STPG2: variants seen among roughly 807,000 people sequenced by gnomAD.
STPG2 encodes the protein sperm tail PG-rich repeat containing 2, also known as sperm-tail PG-rich repeat-containing protein 2.
Under a neutral mutation model 54.2 loss-of-function variants are expected in STPG2, and 56 were observed. The ratio of observed to expected loss-of-function variants is 1.03; its 90% confidence interval spans 0.83 to 1.29. The LOEUF (loss-of-function observed/expected upper bound fraction) is 1.29, where lower values mean the gene tolerates loss of function less well. Among genes scored for constraint, STPG2 ranks in the 50% most tolerant of loss-of-function variants. STPG2 has a pLI of 0.00. For synonymous variants in STPG2, 200 were observed against 181.8 expected, an observed-to-expected ratio of 1.10 and a Z score of -0.81; for missense variants, 596 against 544.9, an observed-to-expected ratio of 1.09 and a Z score of -0.93.
chr4:97,781,550 GA>G (rs1317820639), intron 9 of STPG2, among the ~76,000 whole-genome samples: 9 of 152,042 alleles, frequency 5.9e-5, no homozygotes, highest in African/African-American at 1.7e-4. Context: ...CCAATCAATA[GA>G]AAAAGAAGAA....
chr4:97,476,074 T>C (rs1330468488), intron 4 of STPG2, among the ~76,000 whole-genome samples: 3 of 152,214 alleles, frequency 2.0e-5, no homozygotes, highest in Non-Finnish European at 2.9e-5. Context: ...TGTGGGCATT[T>C]AGTAAATTTG....
At chr4:97,614,609 C>A (rs1316909846) in intron 10 of STPG2, among the ~76,000 whole-genome samples, 1 of 152,138 alleles carries the variant, frequency 6.6e-6, no homozygotes, top group Non-Finnish European at 1.5e-5. Context: ...GACCAGTTAT[C>A]CACTTTTGCT....
chr4:97,704,608 A>G (rs28670002), intron 10 of STPG2, among the ~76,000 whole-genome samples: 89,551 of 152,074 alleles, frequency 0.59, 26,686 homozygotes, highest in South Asian at 0.68. Flanking sequence ...AATGACAGGT[A>G]GCTTTTAAAC....
chr4:97,799,707 T>G (rs1033471976), intron 9 of STPG2, among the ~76,000 whole-genome samples: 9 of 152,276 alleles, frequency 5.9e-5, no homozygotes, highest in Admixed American at 2.6e-4. Flanking sequence ...TTCTCTGTAT[T>G]TCCTGAATTT....
intron 7 of STPG2, among the ~76,000 whole-genome samples, chr4:97,965,061 A>G (rs1734041590): frequency 6.6e-6 from 1 of 152,186 alleles, no homozygotes; most frequent in Admixed American, 6.5e-5. Flanking sequence ...GAAGCGCAAG[A>G]GGTTGAGGGA....
chr4:97,866,155 G>A (rs1209444740), intron 8 of STPG2, among the ~76,000 whole-genome samples: 1 of 151,876 alleles, frequency 6.6e-6, no homozygotes, highest in Non-Finnish European at 1.5e-5. Flanking sequence ...TGGTTAGATA[G>A]AATGAATAAG....
intron 10 of STPG2, among the ~76,000 whole-genome samples, chr4:97,612,414 G>A (rs1733754123): frequency 6.6e-6 from 1 of 152,034 alleles, no homozygotes; most frequent in Admixed American, 6.6e-5. Flanking sequence ...AATTGGCAAT[G>A]TATGTAAATT....
intron 8 of STPG2, among the ~76,000 whole-genome samples, chr4:97,891,718 G>T (rs975355869): frequency 6.6e-6 from 1 of 151,972 alleles, no homozygotes; most frequent in African/African-American, 2.4e-5. Flanking sequence ...AACTTTGCAT[G>T]CACTGCATTT....
rs76606892 is a variant in STPG2, at chr4:97,593,612, A to G, written c.1321-34495T>C. On this transcript the variant is annotated intron_variant, in intron 10 of 10. Coordinates refer to ENST00000295268, the MANE Select transcript of STPG2 (RefSeq NM_174952.3). Reference sequence around the variant, plus strand: ...ACTGTGGGCATGAGCACATGCAGAAACACTGCAGCCCCAGACCCACTGCTA... The same window carrying G: ...ACTGTGGGCATGAGCACATGCAGAAGCACTGCAGCCCCAGACCCACTGCTA... Among the ~76,000 whole-genome samples, 1,169 of 152,238 alleles carry G rather than the reference A, an allele frequency of 7.7e-3. 15 individuals are homozygous for G. The highest frequency in any genetic ancestry group is 0.025 in the African/African-American group (1,033 of 41,542).
intron 4 of STPG2, among the ~76,000 whole-genome samples, chr4:97,487,943 T>C (rs542604695): frequency 4.6e-5 from 7 of 151,558 alleles, no homozygotes; most frequent in Admixed American, 6.6e-5. Context: ...TTAGAGAAAA[T>C]ACATGTGTAA....
intron 7 of STPG2, among the ~76,000 whole-genome samples, chr4:97,954,454 A>AAGC (rs1438850171): frequency 6.6e-6 from 1 of 152,214 alleles, no homozygotes; most frequent in African/African-American, 2.4e-5. Flanking sequence ...AGGAGCCTCA[A>AAGC]AGCACATGGC....
chr4:98,076,002 T>C (rs1045161241), intron 5 of STPG2, among the ~76,000 whole-genome samples: 8 of 152,326 alleles, frequency 5.3e-5, no homozygotes, highest in Middle Eastern at 3.4e-3. Context: ...CCCAGCACTT[T>C]GGGAGGCCCA....
At chr4:97,874,536 C>T (rs1035138537) in intron 8 of STPG2, among the ~76,000 whole-genome samples, 4 of 151,738 alleles carry the variant, frequency 2.6e-5, no homozygotes, top group African/African-American at 7.2e-5. Flanking sequence ...TAGACATCCA[C>T]GTGGAAACAG....
intron 7 of STPG2, among the ~76,000 whole-genome samples, chr4:97,955,786 G>A (rs1578729339): frequency 6.6e-6 from 1 of 151,692 alleles, no homozygotes; most frequent in African/African-American, 2.4e-5. Flanking sequence ...ACAATAAGCT[G>A]GACAGCTTAC....
At chr4:97,888,546 G>C (rs143832185) in intron 8 of STPG2, among the ~76,000 whole-genome samples, 102 of 151,808 alleles carry the variant, frequency 6.7e-4, no homozygotes, top group African/African-American at 2.0e-3. Context: ...AGAACAAAAG[G>C]AGATTTAGAA....
intron 9 of STPG2, among the ~76,000 whole-genome samples, chr4:97,794,076 T>C (rs189820255): frequency 1.4e-4 from 21 of 152,250 alleles, no homozygotes; most frequent in Admixed American, 1.4e-3. Context: ...TTCTCTGTTA[T>C]TGCTTTGTAA....
chr4:97,514,186 T>A (rs1374047189), intron 4 of STPG2, among the ~76,000 whole-genome samples: 1 of 152,050 alleles, frequency 6.6e-6, no homozygotes, highest in African/African-American at 2.4e-5. Context: ...GTTCCTAATA[T>A]GCTATGAAAG....
chr4:97,975,003 TG>T (rs1422494467), intron 6 of STPG2, among the ~76,000 whole-genome samples: 36 of 152,234 alleles, frequency 2.4e-4, no homozygotes, highest in African/African-American at 8.7e-4. Flanking sequence ...ACAATATAAA[TG>T]TTTCTCTAGA....
intron 8 of STPG2, among the ~76,000 whole-genome samples, chr4:97,852,971 T>TTC (rs1729213844): frequency 6.5e-5 from 6 of 91,764 alleles, no homozygotes; most frequent in Admixed American, 4.2e-4. Flanking sequence ...TATTTTCTTT[T>TTC]TTTTTTTTTT....
Sources: gnomAD v4.1 joint callset for allele counts (sites outside exome capture counted in the v4.1 genomes callset) on GRCh38, gnomAD v4.1.1 for gene constraint, MANE v1.5 for transcripts, NCBI Gene and HGNC (gene_info 2026-07-23, HGNC 2026-07-21) for gene names.